Variants in RBFOX1 observed in about 807,000 individuals in gnomAD.
The protein encoded by RBFOX1 is RNA binding fox-1 homolog 1, also known as RNA binding protein fox-1 homolog 1.
RBFOX1 carries 8 observed loss-of-function variants against 57.7 expected under a neutral mutation model. The observed-to-expected ratio is 0.14, with a 90% CI of 0.08 to 0.25. RBFOX1 has a LOEUF of 0.25. Ranked by LOEUF, RBFOX1 falls within the 10% of genes least tolerant of loss-of-function variation. The pLI, the probability that RBFOX1 is intolerant of heterozygous loss-of-function variation, is 1.00. For missense variants in RBFOX1, 611 were observed against 548.5 expected, an observed-to-expected ratio of 1.11 and a Z score of -1.14; for synonymous variants, 326 against 222.4, an observed-to-expected ratio of 1.47 and a Z score of -4.15.
chr16:5,396,442 A>T (rs1472854887), intron 1 of RBFOX1, among the ~76,000 whole-genome samples: 1 of 152,064 alleles, frequency 6.6e-6, no homozygotes, highest in African/African-American at 2.4e-5. Context: ...GGAGTTTGAG[A>T]CCTGTCTGAG....
chr16:6,667,072 C>G (rs1006270613), intron 3 of RBFOX1, among the ~76,000 whole-genome samples: 1 of 152,066 alleles, frequency 6.6e-6, no homozygotes, highest in Non-Finnish European at 1.5e-5. Flanking sequence ...GTCGTACTTT[C>G]CTCTTTCATT....
intron 3 of RBFOX1, among the ~76,000 whole-genome samples, chr16:5,820,260 C>T (rs1430491337): frequency 6.6e-6 from 1 of 152,216 alleles, no homozygotes; most frequent in Non-Finnish European, 1.5e-5. Context: ...CGCCATGCTA[C>T]ATTGTCTTAT....
At chr16:5,338,791 G>A (rs1255680988) in intron 1 of RBFOX1, among the ~76,000 whole-genome samples, 1 of 152,040 alleles carries the variant, frequency 6.6e-6, no homozygotes, top group East Asian at 1.9e-4. Context: ...TGAGTAGTGG[G>A]GACTGAAGGT....
At chr16:5,865,681 C>G (rs2057328519) in intron 3 of RBFOX1, among the ~76,000 whole-genome samples, 1 of 152,200 alleles carries the variant, frequency 6.6e-6, no homozygotes, top group Admixed American at 6.5e-5. Context: ...GTTGGATTCA[C>G]ATTTGTGAGC....
chr16:5,375,336 A>G (rs1596726093), intron 1 of RBFOX1, among the ~76,000 whole-genome samples: 1 of 152,134 alleles, frequency 6.6e-6, no homozygotes, highest in East Asian at 1.9e-4. Flanking sequence ...GCGGGAGTGA[A>G]GAGGACAGTG....
At chr16:7,345,213 G>A (rs917043146) in intron 4 of RBFOX1, among the ~76,000 whole-genome samples, 2 of 152,220 alleles carry the variant, frequency 1.3e-5, no homozygotes, top group African/African-American at 4.8e-5. Context: ...TCCCGGGGCT[G>A]TGGACAGCTT....
intron 2 of RBFOX1, among the ~76,000 whole-genome samples, chr16:6,465,069 G>A (rs909255397): frequency 1.3e-5 from 2 of 152,146 alleles, no homozygotes; most frequent in African/African-American, 2.4e-5. Context: ...GTATATATAA[G>A]CCCTGAAGCC....
chr16:6,289,153 T>C (rs182552848), intron 1 of RBFOX1, among the ~76,000 whole-genome samples: 1 of 152,324 alleles, frequency 6.6e-6, no homozygotes, highest in Admixed American at 6.5e-5. Context: ...ATGGGGATGA[T>C]CTTTCCTCCA....
At chr16:6,101,757 C>G (rs1045595844) in intron 1 of RBFOX1, among the ~76,000 whole-genome samples, 5 of 152,152 alleles carry the variant, frequency 3.3e-5, no homozygotes, top group African/African-American at 1.2e-4. Flanking sequence ...CCTGTCTGTA[C>G]TAAAAATATA....
chr16:7,145,185 TTTTTGTTTCG>T (rs984373966), intron 4 of RBFOX1, among the ~76,000 whole-genome samples: 12 of 70,856 alleles, frequency 1.7e-4, no homozygotes, highest in South Asian at 1.6e-3. Context: ...CCCCTACCCT[TTTTTGTTTCG>T]TTTTGTTTTG....
At chr16:6,984,335 A>G (rs1429115991) in intron 3 of RBFOX1, among the ~76,000 whole-genome samples, 1 of 152,134 alleles carries the variant, frequency 6.6e-6, no homozygotes, top group Non-Finnish European at 1.5e-5. Flanking sequence ...GTGAAATATG[A>G]TGGTATCAAT....
chr16:5,623,641 C>T (rs2048263658), intron 3 of RBFOX1, among the ~76,000 whole-genome samples: 1 of 152,040 alleles, frequency 6.6e-6, no homozygotes, highest in Non-Finnish European at 1.5e-5. Context: ...ACTGGTTACC[C>T]CTTCCCCCAG....
chr16:5,549,693 T>G (rs2045380015), intron 2 of RBFOX1, among the ~76,000 whole-genome samples: 1 of 152,162 alleles, frequency 6.6e-6, no homozygotes, highest in Non-Finnish European at 1.5e-5. Flanking sequence ...CTAATACAAA[T>G]CATAGCATGG....
chr16:6,320,388 G>C (rs1016937948), intron 2 of RBFOX1, among the ~76,000 whole-genome samples: 9 of 152,106 alleles, frequency 5.9e-5, no homozygotes, highest in Non-Finnish European at 1.0e-4. Flanking sequence ...CACTGCTTGG[G>C]TGATGGGTTG....
chr16:7,030,172 A>G (rs534909705), intron 3 of RBFOX1, among the ~76,000 whole-genome samples: 1 of 152,138 alleles, frequency 6.6e-6, no homozygotes, highest in East Asian at 1.9e-4. Flanking sequence ...TTGTTCTGAG[A>G]TATGTCCTGA....
chr16:6,429,993 A>G (rs1418580433), intron 2 of RBFOX1, among the ~76,000 whole-genome samples: 1 of 152,046 alleles, frequency 6.6e-6, no homozygotes, highest in East Asian at 1.9e-4. Flanking sequence ...CTGTAATCCC[A>G]GCTACTTGGG....
At chr16:6,079,962 C>A (rs765296347) in intron 1 of RBFOX1, among the ~76,000 whole-genome samples, 7 of 152,144 alleles carry the variant, frequency 4.6e-5, no homozygotes, top group Non-Finnish European at 8.8e-5. Context: ...CTTTCAAAAC[C>A]CTGATTCTTA....
intron 3 of RBFOX1, among the ~76,000 whole-genome samples, chr16:6,923,417 C>T (rs972522334): frequency 5.9e-5 from 9 of 152,098 alleles, no homozygotes; most frequent in African/African-American, 1.9e-4. Flanking sequence ...CTTGTAATTC[C>T]AGCTACTTGG....
At chr16:7,467,229 C>G (rs1217182872) in intron 4 of RBFOX1, among the ~76,000 whole-genome samples, 1 of 152,078 alleles carries the variant, frequency 6.6e-6, no homozygotes, top group East Asian at 1.9e-4. Context: ...ACACGGAGAA[C>G]TTTCCAATGA....
Sources: gnomAD v4.1 joint callset for allele counts (sites outside exome capture counted in the v4.1 genomes callset) on GRCh38, gnomAD v4.1.1 for gene constraint, MANE v1.5 for transcripts, NCBI Gene and HGNC (gene_info 2026-07-23, HGNC 2026-07-21) for gene names.